Variants in BRINP3 observed in about 807,000 individuals in gnomAD.
BRINP3 encodes the protein BMP/retinoic acid-inducible neural-specific protein 3.
In BRINP3, 19 loss-of-function variants were observed where a neutral mutation model predicts 71.0. The ratio of observed to expected loss-of-function variants is 0.27; its 90% CI spans 0.19 to 0.39. BRINP3 has a LOEUF of 0.39. Ranked by LOEUF, BRINP3 falls within the 10% of genes least tolerant of loss-of-function variation. The probability of loss-of-function intolerance (pLI) is 1.00; values close to 1 mark genes in which losing one functional copy is unlikely to be tolerated. For synonymous variants in BRINP3, 380 were observed against 337.7 expected (o/e 1.13, Z -1.37); for missense variants, 959 against 940.8 (o/e 1.02, Z -0.25).
chr1:190,411,023 A>G (rs1672629377), intron 2 of BRINP3, among the ~76,000 whole-genome samples: 1 of 152,176 alleles, frequency 6.6e-6, no homozygotes, highest in Non-Finnish European at 1.5e-5. Context: ...CTGATAAAGA[A>G]GCAAGGTAGG....
At chr1:190,204,639 A>G (rs893044553) in intron 6 of BRINP3, among the ~76,000 whole-genome samples, 2 of 152,058 alleles carry the variant, frequency 1.3e-5, no homozygotes, top group Admixed American at 6.6e-5. Context: ...TGCTTCAAGT[A>G]TTATACAGGA....
At chr1:190,298,927 T>A (rs754250176) in intron 2 of BRINP3, among the ~76,000 whole-genome samples, 1 of 152,150 alleles carries the variant, frequency 6.6e-6, no homozygotes, top group Non-Finnish European at 1.5e-5. Context: ...TAGTTGTGAA[T>A]TATTTTAGTT....
At chr1:190,389,390 A>G (rs941531933) in intron 2 of BRINP3, among the ~76,000 whole-genome samples, 3 of 151,848 alleles carry the variant, frequency 2.0e-5, no homozygotes, top group African/African-American at 7.2e-5. Context: ...AGAAAAATGT[A>G]ATAAAACAAA....
intron 7 of BRINP3, among the ~76,000 whole-genome samples, chr1:190,104,299 G>C (rs1168856657): frequency 1.3e-5 from 2 of 151,960 alleles, no homozygotes; most frequent in African/African-American, 4.8e-5. Context: ...TTTGAATCCT[G>C]TTCATTTACT....
intron 1 of BRINP3, among the ~76,000 whole-genome samples, chr1:190,467,546 A>G (rs2490270): frequency 0.39 from 59,614 of 151,080 alleles, 12,367 homozygotes; most frequent in African/African-American, 0.52. Context: ...CAACTTACCC[A>G]GTTGACAGAG....
At chr1:190,130,911 C>T (rs1045289625) in intron 7 of BRINP3, among the ~76,000 whole-genome samples, 6 of 151,962 alleles carry the variant, frequency 3.9e-5, no homozygotes, top group Middle Eastern at 3.4e-3. Flanking sequence ...CACCATACAT[C>T]GGGATTCCTG....
chr1:190,411,475 T>C (rs554001675), intron 2 of BRINP3, among the ~76,000 whole-genome samples: 2 of 152,202 alleles, frequency 1.3e-5, no homozygotes, highest in East Asian at 3.9e-4. Flanking sequence ...AAACAGTGAT[T>C]CTCCTAATTG....
rs775536383 is a variant in BRINP3 at position 190,457,919 on chromosome 1, T to TAA, written c.-50-2981_-50-2980dup. The stretch of plus-strand genomic sequence containing the variant: ...TTTCATAGTCTTCATATCCCCTCAT[T>TAA]AAAAAAAAAAAAAACTATATTGTGT... On this transcript the variant is annotated intron_variant, in intron 1 of 7. Coordinates refer to ENST00000367462, the MANE Select transcript of BRINP3 (RefSeq NM_199051.3). Among the ~76,000 whole-genome samples, 195 of 138,780 alleles carry TAA rather than the reference T, an allele frequency of 1.4e-3. 1 individual carries two copies. The highest frequency in any genetic ancestry group is 4.6e-3 in the African/African-American group (175 of 38,026). The allele number at this position is 138,780 out of a possible 152,430, so 91.0% of individuals were successfully genotyped here.
chr1:190,239,577 G>A (rs1323447947), intron 4 of BRINP3, among the ~76,000 whole-genome samples: 1 of 151,994 alleles, frequency 6.6e-6, no homozygotes, highest in Admixed American at 6.6e-5. Context: ...TCTAGGACAT[G>A]GTTGCTGAAA....
intron 2 of BRINP3, among the ~76,000 whole-genome samples, chr1:190,333,610 A>T (rs1667102700): frequency 2.0e-5 from 3 of 151,988 alleles, no homozygotes; most frequent in Non-Finnish European, 2.9e-5. Flanking sequence ...ACAAAATTTT[A>T]AATTTTACAC....
At chr1:190,392,365 C>T (rs1226716200) in intron 2 of BRINP3, among the ~76,000 whole-genome samples, 1 of 151,496 alleles carries the variant, frequency 6.6e-6, no homozygotes. Flanking sequence ...ATTCTCATAA[C>T]ATTTCTGTGA....
intron 7 of BRINP3, among the ~76,000 whole-genome samples, chr1:190,131,224 G>A (rs549414984): frequency 5.3e-5 from 8 of 151,242 alleles, no homozygotes; most frequent in African/African-American, 1.9e-4. Context: ...CTCCAAAAAC[G>A]TGCTACCAAA....
chr1:190,429,890 C>G (rs932683935), intron 2 of BRINP3, among the ~76,000 whole-genome samples: 1 of 151,966 alleles, frequency 6.6e-6, no homozygotes, highest in Admixed American at 6.6e-5. Context: ...CAACGCCCAG[C>G]CAAAATTTTA....
At chr1:190,174,880 A>AT (rs1472061596) in intron 6 of BRINP3, among the ~76,000 whole-genome samples, 2 of 152,010 alleles carry the variant, frequency 1.3e-5, no homozygotes, top group Admixed American at 6.6e-5. Flanking sequence ...TTATCATGTG[A>AT]TTTTTCCCCT....
intron 3 of BRINP3, among the ~76,000 whole-genome samples, chr1:190,275,078 T>A (rs1662438647): frequency 6.6e-6 from 1 of 151,594 alleles, no homozygotes; most frequent in Non-Finnish European, 1.5e-5. Flanking sequence ...ACTACAAATT[T>A]TCTAAGCAAA....
At position 190,283,383 on chromosome 1, in the gene BRINP3, C is replaced by T. The variant is rs76421828; in HGVS notation, c.237-1633G>A. ...ATGCTAGTGCTGCTCTTCTGGTGAC[C>T]ATACTTTGAATAAAACAACCGATCT... On this transcript the variant is annotated intron_variant, in intron 2 of 7. Coordinates refer to ENST00000367462, the MANE Select transcript of BRINP3 (RefSeq NM_199051.3). 1.9e-3 allele frequency among the ~76,000 whole-genome samples: 291 copies of T among 151,860 alleles called. 1 individual carries two copies. The highest frequency in any genetic ancestry group is 6.2e-3 in the African/African-American group (256 of 41,464).
intron 6 of BRINP3, among the ~76,000 whole-genome samples, chr1:190,223,996 C>T (rs1225422358): frequency 2.0e-5 from 3 of 151,438 alleles, no homozygotes; most frequent in Non-Finnish European, 4.4e-5. Flanking sequence ...CAAGAAAACA[C>T]ACAAATAATG....
rs548326155 is a variant in BRINP3 at position 190,303,422 on chromosome 1, T to G, written c.237-21672A>C. On this transcript the variant is annotated intron_variant, in intron 2 of 7. Coordinates refer to ENST00000367462, the MANE Select transcript of BRINP3 (RefSeq NM_199051.3). ...CAAATAGGCAATACAGAAGTAATATTCAATAAAGATTGAAAAAGGAGAGAG... is the reference window on the plus strand; with the variant it reads ...CAAATAGGCAATACAGAAGTAATATGCAATAAAGATTGAAAAAGGAGAGAG... Among the ~76,000 whole-genome samples, 4 of 151,794 alleles carry G rather than the reference T, an allele frequency of 2.6e-5. No homozygotes were observed. In the East Asian group the frequency reaches 7.7e-4, roughly 29 times the overall value.
In BRINP3 at chr1:190,098,330, G is replaced by A. The variant is rs777349551; in HGVS notation, c.1989C>T (p.Ile663=). ...DPSRNLGYMK[I]NNIQVFGYSM... ...TGTAGCCAAACACTTGAATGTTATTGATTTTCATATAGCCCAGGTTCCGGG... is the reference window on the plus strand; with the variant it reads ...TGTAGCCAAACACTTGAATGTTATTAATTTTCATATAGCCCAGGTTCCGGG... Residue 663 remains isoleucine (I), a synonymous_variant, in exon 8 of 8, where the codon ATC becomes ATT. Coordinates refer to ENST00000367462, the MANE Select transcript of BRINP3 (RefSeq NM_199051.3). The A allele has an allele frequency of 5.0e-6, 8 of 1,613,966 alleles. No homozygotes were observed. The South Asian group carries it at 6.6e-5, about 13-fold the overall frequency.
Sources: gnomAD v4.1 joint callset for allele counts (sites outside exome capture counted in the v4.1 genomes callset) on GRCh38, gnomAD v4.1.1 for gene constraint, MANE v1.5 for transcripts, NCBI Gene and HGNC (gene_info 2026-07-23, HGNC 2026-07-21) for gene names.